GNPAT: variants seen among roughly 807,000 people sequenced by gnomAD.
The protein encoded by GNPAT is glyceronephosphate O-acyltransferase, also known as dihydroxyacetone phosphate acyltransferase.
A neutral mutation model predicts 78.4 loss-of-function variants in GNPAT; 30 were observed. The ratio of observed to expected loss-of-function variants is 0.38; its 90% confidence interval spans 0.29 to 0.52. The LOEUF (loss-of-function observed/expected upper bound fraction) is 0.52, where lower values mean the gene tolerates loss of function less well. Among genes scored for constraint, GNPAT ranks in the 20% least tolerant of loss-of-function variants. GNPAT has a pLI of 0.84. For missense variants in GNPAT, 714 were observed against 812.2 expected (o/e 0.88, Z 1.47); for synonymous variants, 271 against 281.1 (o/e 0.96, Z 0.36).
At chr1:231,248,302 T>C (rs115915056) in intron 1 of GNPAT, among the ~76,000 whole-genome samples, 284 of 152,312 alleles carry the variant, frequency 1.9e-3, no homozygotes, top group Non-Finnish European at 2.3e-3. Flanking sequence ...AGAGAAAATA[T>C]ATTTACTATT....
In GNPAT at chr1:231,277,530, T is replaced by C. The variant is rs150459993; in HGVS notation, c.2031T>C (p.Thr677=). The C allele has an allele frequency of 1.0e-4, 163 of 1,583,298 alleles. No individual in the cohort carries two copies. The African/African-American group carries it at 2.0e-3, about 20-fold the overall frequency. The part of the protein sequence containing the change: ...GCKTPIGKPA[T]AKL ...AGACACCAATAGGAAAACCAGCCAC[T>C]GCAAAACTTTAATAATCAACAAATA... The change falls in exon 16 of 16, where the codon ACT becomes ACC. Residue 677 remains threonine (T), a synonymous_variant. Coordinates refer to ENST00000366647, the MANE Select transcript of GNPAT (RefSeq NM_014236.4).
At chr1:231,276,004 C>A in intron 14 of GNPAT, 131 bp from the exon 15 acceptor site, 2 of 627,836 alleles carry the variant, frequency 3.2e-6, no homozygotes, top group Non-Finnish European at 5.9e-6. Context: ...TGAGGCCTTT[C>A]GACTACTTAG....
At chr1:231,262,927 A>C in intron 4 of GNPAT, 75 bp downstream of exon 4, 1 of 1,115,424 alleles carries the variant, frequency 9.0e-7, no homozygotes, top group Non-Finnish European at 1.4e-6. Context: ...GTACTGAGGT[A>C]TTTGAAGATG....
intron 8 of GNPAT, 138 bp downstream of exon 8, chr1:231,266,545 C>T (rs897662390): frequency 4.5e-5 from 36 of 793,254 alleles, no homozygotes; most frequent in Non-Finnish European, 6.0e-5. Flanking sequence ...GTTATCATTC[C>T]GTTTTCATCA....
intron 1 of GNPAT, among the ~76,000 whole-genome samples, chr1:231,248,503 A>G (rs1377304623): frequency 1.3e-5 from 2 of 151,948 alleles, no homozygotes; most frequent in Admixed American, 1.3e-4. Flanking sequence ...CAAGGTGGGA[A>G]GATAATTTGA....
At position 231,277,443 on chromosome 1, in the gene GNPAT, T is replaced by C. The variant is rs369704640; in HGVS notation, c.2000-56T>C. 65 of 1,051,490 alleles carry C rather than the reference T, an allele frequency of 6.2e-5. No individual in the cohort carries two copies. The African/African-American group carries it at 8.5e-4, about 14-fold the overall frequency. The allele number at this position is 1,051,490 out of a possible 1,614,324, so 65.1% of individuals were successfully genotyped here. On this transcript the variant is annotated intron_variant, in intron 15 of 15. Transcript: ENST00000366647. ...GACAGTCGCCCAAGGAACAGCTGTA[T>C]GAGGAAGGGCAAAATCAGCATCATT...
chr1:231,270,152 C>T (rs1435295205), intron 9 of GNPAT: 18 of 156,524 alleles, frequency 1.1e-4, no homozygotes, highest in Admixed American at 1.1e-3. Flanking sequence ...CTTCATTATG[C>T]TTCTGTAATT....
At chr1:231,260,440 G>T in intron 2 of GNPAT, 67 bp from the exon 3 acceptor site, 1 of 1,071,000 alleles carries the variant, frequency 9.3e-7, no homozygotes, top group South Asian at 1.2e-5. Flanking sequence ...ATACTGGTTT[G>T]AGTAAAGCTT....
chr1:231,241,288 G>A lies in GNPAT; in HGVS notation c.-91G>A. On this transcript the variant is annotated 5_prime_UTR_variant, in exon 1 of 16. Coordinates refer to ENST00000366647, the MANE Select transcript of GNPAT (RefSeq NM_014236.4). The stretch of plus-strand genomic sequence containing the variant: ...GGTGCCGCCGCCCTAGGCGAAGTAG[G>A]GCCGTCCTGAGCGAAAGAACCGCCC... 7.1e-7 allele frequency: 1 copy of A among 1,407,680 alleles called. No individual in the cohort carries two copies. The highest frequency in any genetic ancestry group is 1.0e-6 in the Non-Finnish European group (1 of 992,090). 87.2% of individuals were successfully genotyped at this position (1,407,680 alleles called of 1,614,324 possible).
chr1:231,265,275 T>G lies in GNPAT; in HGVS notation c.569-18T>G, dbSNP rs754968302. ...AGATTTCAAGATCTGCAAATAAATA[T>G]TATCCCCTCTTTTTTAGACTTCCTG... On this transcript the variant is annotated intron_variant, in intron 4 of 15. Transcript: ENST00000366647. 2 of 1,581,152 alleles carry G rather than the reference T, an allele frequency of 1.3e-6. No individual in the cohort carries two copies. Among genetic ancestry groups the G allele is most frequent in the African/African-American group, 2.7e-5 (2 of 74,292 alleles).
At chr1:231,271,096 C>CA in intron 10 of GNPAT, 96 bp downstream of exon 10, 2 of 1,372,366 alleles carry the variant, frequency 1.5e-6, no homozygotes, top group East Asian at 2.3e-5. Flanking sequence ...TGTTCAGCCT[C>CA]ACGCCGGTGA....
intron 13 of GNPAT, 23 bp from the exon 14 acceptor site, chr1:231,275,382 C>T: frequency 1.3e-6 from 2 of 1,566,166 alleles, no homozygotes; most frequent in Non-Finnish European, 1.8e-6. Flanking sequence ...GGTCAACTAA[C>T]TCTTCCTCAC....
At chr1:231,252,303 GAA>G (rs1040800122) in intron 2 of GNPAT, among the ~76,000 whole-genome samples, 4 of 152,312 alleles carry the variant, frequency 2.6e-5, no homozygotes, top group African/African-American at 9.6e-5. Flanking sequence ...GGAAGGAAAA[GAA>G]AGAGTCAGGG....
At chr1:231,273,675 A>G (rs970250121) in intron 11 of GNPAT, among the ~76,000 whole-genome samples, 2 of 152,200 alleles carry the variant, frequency 1.3e-5, no homozygotes, top group African/African-American at 4.8e-5. Context: ...GTGATTTGTA[A>G]GGCTCAGAAA....
chr1:231,263,091 A>G (rs1227162284), intron 4 of GNPAT, among the ~76,000 whole-genome samples: 1 of 152,206 alleles, frequency 6.6e-6, no homozygotes, highest in Non-Finnish European at 1.5e-5. Flanking sequence ...ATGAGACTGC[A>G]CTACTTACAG....
At chr1:231,241,650 G>A (rs893374404) in intron 1 of GNPAT, among the ~76,000 whole-genome samples, 194 bp downstream of exon 1, 3 of 152,212 alleles carry the variant, frequency 2.0e-5, no homozygotes, top group Non-Finnish European at 4.4e-5. Flanking sequence ...CATGCTTTTG[G>A]AAGTTTCTAC....
Position 231,267,688 on chromosome 1 carries a change from C to T in GNPAT, c.1064C>T (p.Pro355Leu). The T allele has an allele frequency of 6.4e-7, 1 of 1,573,618 alleles. No individual in the cohort carries two copies. Among genetic ancestry groups the T allele is most frequent in the East Asian group, 2.2e-5 (1 of 44,678 alleles). ...SSYNLVPRYIPQKQSEDMHAF... is the reference protein window; with the variant it reads ...SSYNLVPRYILQKQSEDMHAF... ...TGTGCTCTTCCTTTTAGATACATTC[C>T]TCAGAAACAGTCTGAGGACATGCAT... is the stretch of plus-strand genomic sequence containing the variant. The change falls in exon 9 of 16, where the codon CCT becomes CTT. Residue 355 changes from proline (P) to leucine (L), a missense_variant. By Grantham distance (98) the Pro-to-Leu change is moderately conservative. Transcript: ENST00000366647.
intron 4 of GNPAT, among the ~76,000 whole-genome samples, chr1:231,263,285 G>T (rs1685274691): frequency 6.6e-6 from 1 of 152,040 alleles, no homozygotes. Context: ...TTACATTGTT[G>T]TGCTGCTATC....
At chr1:231,262,563 T>C (rs1233595076) in intron 3 of GNPAT, among the ~76,000 whole-genome samples, 160 bp from the exon 4 acceptor site, 1 of 152,246 alleles carries the variant, frequency 6.6e-6, no homozygotes, top group East Asian at 1.9e-4. Context: ...ACAGTACTTT[T>C]ACCTTATCAG....
Sources: gnomAD v4.1 joint callset for allele counts (sites outside exome capture counted in the v4.1 genomes callset) on GRCh38, gnomAD v4.1.1 for gene constraint, MANE v1.5 for transcripts, NCBI Gene and HGNC (gene_info 2026-07-23, HGNC 2026-07-21) for gene names.